The following AFAP1L2 variants were observed in gnomAD, a reference collection of about 807,000 sequenced individuals.
AFAP1L2 encodes the protein actin filament associated protein 1 like 2.
In AFAP1L2, 46 loss-of-function variants were observed where a neutral mutation model predicts 99.3. That is an observed-to-expected ratio of 0.46 (90% CI 0.37 to 0.59). The LOEUF (loss-of-function observed/expected upper bound fraction) is 0.59. Among genes scored for constraint, AFAP1L2 ranks in the 20% least tolerant of loss-of-function variants. The pLI is 0.00. For missense variants in AFAP1L2, 959 were observed against 1,034.9 expected (o/e 0.93, Z 1.01); for synonymous variants, 397 against 419.1 (o/e 0.95, Z 0.64).
At chr10:114,395,520 A>G (rs1015466775) in intron 1 of AFAP1L2, among the ~76,000 whole-genome samples, 1 of 152,220 alleles carries the variant, frequency 6.6e-6, no homozygotes, top group African/African-American at 2.4e-5. Context: ...GAAACCTCCA[A>G]ACAATAAGCT....
chr10:114,295,131 G>A lies in AFAP1L2; in HGVS notation c.*911C>T. 1 of 985,502 alleles carries A rather than the reference G, an allele frequency of 1.0e-6. No homozygotes were observed. The highest frequency in any genetic ancestry group is 1.2e-6 in the Non-Finnish European group (1 of 829,868). The allele number at this position is 985,502 out of a possible 1,614,324, so 61.0% of individuals were successfully genotyped here. On this transcript the variant is annotated 3_prime_UTR_variant, in exon 19 of 19. Coordinates refer to ENST00000304129, the MANE Select transcript of AFAP1L2 (RefSeq NM_001001936.3). ...ACCAAAAATCACCACTTTGTTCTTG[G>A]AAGGAGAATGAACATTAAACAGAAC...
intron 1 of AFAP1L2, among the ~76,000 whole-genome samples, chr10:114,375,126 G>T (rs1414941321): frequency 2.0e-5 from 3 of 152,124 alleles, no homozygotes; most frequent in Non-Finnish European, 4.4e-5. Context: ...ATTTTTAAAT[G>T]ACTGAGGAAA....
chr10:114,296,066 T>A lies in AFAP1L2; in HGVS notation c.2433A>T (p.Glu811Asp). 6.2e-7 allele frequency: 1 copy of A among 1,614,152 alleles called. No individual in the cohort carries two copies. The highest frequency in any genetic ancestry group is 8.5e-7 in the Non-Finnish European group (1 of 1,179,996). ...GKGTVLQKAK[E>D]WEKKGAS Reference sequence around the variant, plus strand: ...TCTAACTTGCTCCTTTCTTCTCCCATTCCTAGGGTACCATTCAAATACCAG... The same window carrying A: ...TCTAACTTGCTCCTTTCTTCTCCCAATCCTAGGGTACCATTCAAATACCAG... Residue 811 changes from glutamate (E) to aspartate (D), a missense_variant and splice_region_variant, in exon 19 of 19, where the codon GAA becomes GAT. By Grantham distance (45) the Glu-to-Asp change is conservative. Around this residue, in one of 2 missense-constraint regions of AFAP1L2, gnomAD observed 576 missense variants for 562.1 expected, o/e 1.02. Coordinates refer to ENST00000304129, the MANE Select transcript of AFAP1L2 (RefSeq NM_001001936.3).
chr10:114,294,006 G>A (rs1041296090), downstream of AFAP1L2, among the ~76,000 whole-genome samples: 10 of 152,130 alleles, frequency 6.6e-5, no homozygotes, highest in South Asian at 6.2e-4. Flanking sequence ...TTTATTACAT[G>A]TTGAGATTTA....
Position 114,315,843 on chromosome 10 carries a change from A to G in AFAP1L2, c.407-78T>C, listed in dbSNP as rs1413107394. On this transcript the variant is annotated intron_variant, in intron 5 of 18. Coordinates refer to ENST00000304129, the MANE Select transcript of AFAP1L2 (RefSeq NM_001001936.3). The stretch of plus-strand genomic sequence containing the variant: ...AAGCAGCATCGCTGGGGAGGGCAGC[A>G]GGCAGGAGCAGCAGCAGCCAGACCA... 2.9e-6 allele frequency: 4 copies of G among 1,397,096 alleles called. No individual in the cohort carries two copies. In the Admixed American group the frequency reaches 8.1e-5, roughly 28 times the overall value. 86.5% of individuals were successfully genotyped at this position (1,397,096 alleles called of 1,614,324 possible).
chr10:114,320,843 ACT>A (rs1289271453), intron 5 of AFAP1L2, among the ~76,000 whole-genome samples: 1 of 152,154 alleles, frequency 6.6e-6, no homozygotes, highest in Non-Finnish European at 1.5e-5. Context: ...GCGGTGAGTC[ACT>A]GTTTCCACCT....
chr10:114,320,770 G>A (rs1403750308), intron 5 of AFAP1L2, among the ~76,000 whole-genome samples: 1 of 152,222 alleles, frequency 6.6e-6, no homozygotes, highest in African/African-American at 2.4e-5. Context: ...CCGGCCCCCT[G>A]GTGCGTCTGG....
intron 4 of AFAP1L2, among the ~76,000 whole-genome samples, chr10:114,331,501 A>G (rs1231941113): frequency 6.6e-6 from 1 of 152,136 alleles, no homozygotes; most frequent in Non-Finnish European, 1.5e-5. Flanking sequence ...TAGGCTGGTG[A>G]CCACAGCTGT....
chr10:114,340,925 G>C, intron 1 of AFAP1L2, 194 bp from the exon 2 acceptor site: 1 of 691,954 alleles, frequency 1.4e-6, no homozygotes, highest in East Asian at 2.7e-5. Context: ...CACAGGGAGA[G>C]AGAAACAGGC....
intron 7 of AFAP1L2, 38 bp from the exon 8 acceptor site, chr10:114,310,481 C>T (rs2134470761): frequency 6.3e-7 from 1 of 1,591,326 alleles, no homozygotes; most frequent in Non-Finnish European, 8.6e-7. Flanking sequence ...AGGCTGAGGT[C>T]CTCTGGCCAG....
In AFAP1L2 at chr10:114,327,183, T is replaced by TTA. The variant is rs1348579643; in HGVS notation, c.316-3923_316-3922insTA. Among the ~76,000 whole-genome samples the TTA allele has an allele frequency of 2.5e-4, 16 of 64,622 alleles. 1 individual carries two copies. The highest frequency in any genetic ancestry group is 1.6e-3 in the Admixed American group (8 of 4,916). The allele number at this position is 64,622 out of a possible 152,430, so 42.4% of individuals were successfully genotyped here. ...TATATATATATATATATTTTTTTTT[T>TTA]AGGCAGAGTCTCACTGTGTTGCCCA... On this transcript the variant is annotated intron_variant, in intron 4 of 18. Transcript: ENST00000304129.
At chr10:114,378,823 C>A (rs570154863) in intron 1 of AFAP1L2, among the ~76,000 whole-genome samples, 50 of 152,320 alleles carry the variant, frequency 3.3e-4, no homozygotes, top group African/African-American at 1.1e-3. Context: ...GAAGTGACTA[C>A]CTGTCTAGCT....
chr10:114,302,576 C>G, intron 11 of AFAP1L2, 92 bp from the exon 12 acceptor site: 6 of 1,516,458 alleles, frequency 4.0e-6, no homozygotes, highest in Non-Finnish European at 5.4e-6. Flanking sequence ...ACCCCTACCC[C>G]TGAGCCTGCC....
chr10:114,371,958 T>C (rs979708134), intron 1 of AFAP1L2, among the ~76,000 whole-genome samples: 1 of 152,128 alleles, frequency 6.6e-6, no homozygotes, highest in Admixed American at 6.5e-5. Context: ...TTCTATATTT[T>C]ATCAAGGAAA....
chr10:114,391,097 G>T (rs1191226429), intron 1 of AFAP1L2, among the ~76,000 whole-genome samples: 1 of 152,104 alleles, frequency 6.6e-6, no homozygotes, highest in Non-Finnish European at 1.5e-5. Flanking sequence ...CTTTCTGCCA[G>T]CTGCCTATTA....
chr10:114,390,602 T>G (rs1323142826), intron 1 of AFAP1L2, among the ~76,000 whole-genome samples: 1 of 150,550 alleles, frequency 6.6e-6, no homozygotes, highest in East Asian at 2.0e-4. Context: ...GCACCTGTAA[T>G]CCCAGCTACT....
At chr10:114,358,145 T>C (rs1428247763) in intron 1 of AFAP1L2, among the ~76,000 whole-genome samples, 1 of 152,156 alleles carries the variant, frequency 6.6e-6, no homozygotes, top group East Asian at 1.9e-4. Flanking sequence ...TAATTTGGCA[T>C]AAAGTAAAGC....
In AFAP1L2 at chr10:114,297,408, C is replaced by T. The variant is rs751179407; in HGVS notation, c.2119G>A (p.Glu707Lys). Residue 707 changes from glutamate to lysine, a missense_variant, in exon 17 of 19, where the codon GAA becomes AAA. This residue lies in a region of AFAP1L2 where 576 missense variants were observed against 562.1 expected (regional missense o/e 1.02). Coordinates refer to ENST00000304129, the MANE Select transcript of AFAP1L2 (RefSeq NM_001001936.3). ...KETLLKCTDK[E>K]VLASLEQKLK... The stretch of plus-strand genomic sequence containing the variant: ...TTCTGCTCCAGGCTCGCCAGGACTT[C>T]CTTGTCTGGAGAGAGAATTATGCAG... 6 of 1,612,312 alleles carry T rather than the reference C, an allele frequency of 3.7e-6. No homozygotes were observed. In the African/African-American group the frequency reaches 5.3e-5, roughly 14 times the overall value.
intron 1 of AFAP1L2, among the ~76,000 whole-genome samples, chr10:114,349,206 C>T (rs528443637): frequency 2.6e-5 from 4 of 151,740 alleles, no homozygotes; most frequent in Admixed American, 6.6e-5. Context: ...GGCAAAACCC[C>T]GCCTCTACTA....
Sources: allele counts gnomAD v4.1 joint callset (sites outside exome capture counted in the v4.1 genomes callset), GRCh38; gene constraint gnomAD v4.1.1; regional missense constraint gnomAD v4.1.1; transcripts MANE v1.5; gene names NCBI Gene and HGNC (gene_info 2026-07-23, HGNC 2026-07-21).